LLGL1: variants seen among roughly 807,000 people sequenced by gnomAD.
LLGL1 encodes LLGL scribble cell polarity complex component 1.
A neutral mutation model predicts 110.6 loss-of-function variants in LLGL1; 58 were observed. That is an observed-to-expected ratio of 0.52 (90% CI 0.42 to 0.65). The LOEUF (loss-of-function observed/expected upper bound fraction) is 0.65, where lower values mean the gene tolerates loss of function less well. Among genes scored for constraint, LLGL1 ranks in the 30% least tolerant of loss-of-function variants. LLGL1 has a pLI of 0.00. For missense variants in LLGL1, 1,229 were observed against 1,462.1 expected, an observed-to-expected ratio of 0.84 and a Z score of 2.60; for synonymous variants, 674 against 607.2, an observed-to-expected ratio of 1.11 and a Z score of -1.62.
At chr17:18,241,129 G>A in intron 17 of LLGL1, 2 of 589,658 alleles carry the variant, frequency 3.4e-6, no homozygotes, top group Non-Finnish European at 5.9e-6. Flanking sequence ...CAAGGCTCCT[G>A]TACTGGGCCC....
At chr17:18,242,985 G>A (rs1415304136) in intron 22 of LLGL1, among the ~76,000 whole-genome samples, 163 bp downstream of exon 22, 1 of 152,244 alleles carries the variant, frequency 6.6e-6, no homozygotes, top group Non-Finnish European at 1.5e-5. Flanking sequence ...CTCAATTGGG[G>A]ACTTCTGGTG....
chr17:18,240,667 G>A lies in LLGL1; in HGVS notation c.2296G>A (p.Gly766Ser), dbSNP rs2047808651. Residue 766 changes from glycine (G) to serine (S), a missense_variant, in exon 17 of 23, where the codon GGT (glycine) becomes AGT (serine). Physicochemically the swap from Gly to Ser is moderately conservative, Grantham distance 56. Transcript: ENST00000316843. The surrounding 1 kb of genome is among the most constrained non-coding windows in gnomAD (Gnocchi z 5.3). ...ALEVPAAAVG[G>S]EKRPEQAVEA... The stretch of plus-strand genomic sequence containing the variant: ...GGAGGTGCCGGCAGCAGCAGTGGGT[G>A]GTGAGAAGCGGCCTGAGCAAGCGGT... 2 of 1,613,094 alleles carry A rather than the reference G, an allele frequency of 1.2e-6. No individual in the cohort carries two copies. The highest frequency in any genetic ancestry group is 1.3e-5 in the African/African-American group (1 of 74,930).
chr17:18,242,524 C>T lies in LLGL1; in HGVS notation c.3012C>T (p.Pro1004=), dbSNP rs749845142. ...TCCCTGTAGACACCCCGGAGCCACC[C>T]GAGGCTGCACTCTCACCCATGTCCA... The part of the protein sequence containing the change: ...HSMGPDTPEP[P]EAALSPMSID... The change falls in exon 21 of 23, where the codon CCC becomes CCT. Residue 1004 remains proline (P), a synonymous_variant. Transcript: ENST00000316843. 32 of 1,613,848 alleles carry T rather than the reference C, an allele frequency of 2.0e-5. No individual in the cohort carries two copies. The highest frequency in any genetic ancestry group is 2.3e-5 in the Non-Finnish European group (27 of 1,179,900).
At chr17:18,229,458 C>T (rs2047521628) in intron 1 of LLGL1, among the ~76,000 whole-genome samples, 1 of 152,154 alleles carries the variant, frequency 6.6e-6, no homozygotes, top group Admixed American at 6.5e-5. Flanking sequence ...GACCTCTGAC[C>T]TCCACTCAGG....
Position 18,238,241 on chromosome 17 carries a change from C to T in LLGL1, c.2052+27C>T, listed in dbSNP as rs1423780722. On this transcript the variant is annotated intron_variant, in intron 15 of 22. Coordinates refer to ENST00000316843, the MANE Select transcript of LLGL1 (RefSeq NM_004140.4). ...TGAGCTGGGGTGGGCTGCACAGGAG[C>T]TGTGCCTGTGTCCTGTGCCTTGGCC... 4.4e-6 allele frequency: 7 copies of T among 1,607,248 alleles called. No individual in the cohort carries two copies. In the South Asian group the frequency reaches 4.4e-5, roughly 10 times the overall value.
intron 10 of LLGL1, 48 bp from the exon 11 acceptor site, chr17:18,235,422 A>T (rs759058831): frequency 6.2e-7 from 1 of 1,611,360 alleles, no homozygotes; most frequent in Non-Finnish European, 8.5e-7. Context: ...GAGAGGGAGA[A>T]GATGTTCGTC....
At chr17:18,226,065 T>C (rs1360925338) in intron 1 of LLGL1, among the ~76,000 whole-genome samples, 3 of 152,068 alleles carry the variant, frequency 2.0e-5, no homozygotes, top group Non-Finnish European at 4.4e-5. Context: ...TCTTTGCCTG[T>C]CTCTGGGTCT....
At position 18,240,629 on chromosome 17, in the gene LLGL1, T is replaced by A; in HGVS notation, c.2258T>A (p.Phe753Tyr). 6.2e-7 allele frequency: 1 copy of A among 1,611,900 alleles called. No individual in the cohort carries two copies. The highest frequency in any genetic ancestry group is 1.1e-5 in the South Asian group (1 of 90,958). ...MWAGTNSGSV[F>Y]AYALEVPAAA... ...GCTGGCACCAACTCAGGCTCTGTGT[T>A]CGCCTATGCACTGGAGGTGCCGGCA... Residue 753 changes from phenylalanine to tyrosine, a missense_variant, in exon 17 of 23, where the codon TTC becomes TAC. Phe to Tyr is a conservative substitution (Grantham distance 22). Coordinates refer to ENST00000316843, the MANE Select transcript of LLGL1 (RefSeq NM_004140.4). The surrounding 1 kb of genome is among the most constrained non-coding windows in gnomAD (Gnocchi z 5.3).
chr17:18,233,440 G>C (rs1334419219), intron 4 of LLGL1, among the ~76,000 whole-genome samples: 1 of 152,134 alleles, frequency 6.6e-6, no homozygotes, highest in Non-Finnish European at 1.5e-5. Context: ...TCTGAGCGCT[G>C]GCAGCGGGAT....
rs771990753 is a variant in LLGL1 at position 18,240,586 on chromosome 17, C to T, written c.2215C>T (p.His739Tyr). ...GCGCTTGTTTTCTGCAGGGGCCCAC[C>T]ACGGGCCCACCATGTGGGCTGGCAC... ...ADTFLRDGAH[H>Y]GPTMWAGTNS... is the part of the protein sequence containing the mutation. Residue 739 changes from histidine (H) to tyrosine (Y), a missense_variant, in exon 17 of 23, where the codon CAC (histidine) becomes TAC (tyrosine). Physicochemically the swap from His to Tyr is moderately conservative, Grantham distance 83. Coordinates refer to ENST00000316843, the MANE Select transcript of LLGL1 (RefSeq NM_004140.4). The surrounding 1 kb of genome is among the most constrained non-coding windows in gnomAD (Gnocchi z 5.3). The T allele has an allele frequency of 2.5e-6, 4 of 1,594,568 alleles. No homozygotes were observed. The highest frequency in any genetic ancestry group is 4.5e-5 in the East Asian group (2 of 44,366).
chr17:18,225,816 C>G, intron 1 of LLGL1, 53 bp downstream of exon 1: 1 of 400,760 alleles, frequency 2.5e-6, no homozygotes, highest in Non-Finnish European at 3.3e-6. Context: ...GGACGGGGGC[C>G]TGGGCTGGGG....
chr17:18,238,233 C>T lies in LLGL1; in HGVS notation c.2052+19C>T, dbSNP rs1391402921. On this transcript the variant is annotated intron_variant, in intron 15 of 22. Coordinates refer to ENST00000316843, the MANE Select transcript of LLGL1 (RefSeq NM_004140.4). ...CAGCAAGGTGAGCTGGGGTGGGCTG[C>T]ACAGGAGCTGTGCCTGTGTCCTGTG... 4 of 1,608,584 alleles carry T rather than the reference C, an allele frequency of 2.5e-6. No homozygotes were observed. Among genetic ancestry groups the T allele is most frequent in the Middle Eastern group, 1.7e-4 (1 of 6,060 alleles).
chr17:18,237,571 T>A lies in LLGL1; in HGVS notation c.1702T>A (p.Trp568Arg). 6.2e-7 allele frequency: 1 copy of A among 1,610,100 alleles called. No homozygotes were observed. Among genetic ancestry groups the A allele is most frequent in the Non-Finnish European group, 8.5e-7 (1 of 1,179,130 alleles). ...CCTCCAGGACCGCGAGGGCTTCACA[T>A]GGAAGGGCCACGAGCGGCTGAGCCC... ...DLLQDREGFTWKGHERLSPRT... is the reference protein window; with the variant it reads ...DLLQDREGFTRKGHERLSPRT... The change falls in exon 14 of 23, where the codon TGG becomes AGG. Residue 568 changes from tryptophan to arginine, a missense_variant. Trp to Arg is a moderately radical substitution (Grantham distance 101). Coordinates refer to ENST00000316843, the MANE Select transcript of LLGL1 (RefSeq NM_004140.4).
chr17:18,238,587 T>C lies in LLGL1; in HGVS notation c.2184T>C (p.Phe728=), dbSNP rs1433944933. 5.0e-6 allele frequency: 8 copies of C among 1,612,538 alleles called. No homozygotes were observed. Among genetic ancestry groups the C allele is most frequent in the South Asian group, 1.1e-5 (1 of 91,050 alleles). Residue 728 remains phenylalanine (F), a synonymous_variant, in exon 16 of 23, where the codon TTT becomes TTC. Coordinates refer to ENST00000316843, the MANE Select transcript of LLGL1 (RefSeq NM_004140.4). ...SLSGVVRCLY[F]ADTFLRDGAH... is the part of the protein sequence containing the mutation. ...CGGGTGTCGTGCGTTGCCTATACTT[T>C]GCCGACACATTCCTTCGAGATGGTA...
chr17:18,233,184 C>G (rs1344936289), intron 4 of LLGL1, among the ~76,000 whole-genome samples: 1 of 152,182 alleles, frequency 6.6e-6, no homozygotes, highest in Non-Finnish European at 1.5e-5. Context: ...CTGGCCTCTT[C>G]AGTTGTGGGT....
chr17:18,240,770 G>A lies in LLGL1; in HGVS notation c.2399G>A (p.Gly800Asp), dbSNP rs747922114. The change falls in exon 17 of 23, where the codon GGC (glycine) becomes GAC (aspartate). Residue 800 changes from glycine to aspartate, a missense_variant. Transcript: ENST00000316843. The surrounding 1 kb of genome is among the most constrained non-coding windows in gnomAD (Gnocchi z 5.3). ...GCCATTGCCGTGTTGGACGGGCGTG[G>A]CCGCCCACTGCCCGAGCCCTACGAG... is the stretch of plus-strand genomic sequence containing the variant. The part of the protein sequence containing the change: ...VVAIAVLDGR[G>D]RPLPEPYEAS... 3 of 1,605,828 alleles carry A rather than the reference G, an allele frequency of 1.9e-6. No individual in the cohort carries two copies. The African/African-American group carries it at 4.0e-5, about 21-fold the overall frequency.
At chr17:18,236,274 C>T (rs1176003183) in intron 11 of LLGL1, 2 of 306,402 alleles carry the variant, frequency 6.5e-6, no homozygotes, top group African/African-American at 2.2e-5. Flanking sequence ...TTGATCACCT[C>T]TGATGGCTGC....
intron 1 of LLGL1, among the ~76,000 whole-genome samples, chr17:18,228,189 G>T (rs1011812908): frequency 5.9e-5 from 9 of 152,246 alleles, no homozygotes; most frequent in Non-Finnish European, 1.3e-4. Context: ...AGTTGGGATG[G>T]TAGCCAGTGC....
chr17:18,235,122 T>G lies in LLGL1; in HGVS notation c.1094T>G (p.Leu365Arg). ...GACCCCCAGGCCCTGGCTGTGCTGCTGGAAGAGGAGCTGGTGGTGCTGGAC... is the reference window on the plus strand; with the variant it reads ...GACCCCCAGGCCCTGGCTGTGCTGCGGGAAGAGGAGCTGGTGGTGCTGGAC... ...FDDPQALAVL[L>R]EEELVVLDLQ... The change falls in exon 10 of 23, where the codon CTG becomes CGG. Residue 365 changes from leucine (L) to arginine (R), a missense_variant. Coordinates refer to ENST00000316843, the MANE Select transcript of LLGL1 (RefSeq NM_004140.4). The G allele has an allele frequency of 2.5e-6, 4 of 1,613,866 alleles. No individual in the cohort carries two copies. Among genetic ancestry groups the G allele is most frequent in the Non-Finnish European group, 3.4e-6 (4 of 1,180,016 alleles).
Sources: gnomAD v4.1 joint callset for allele counts (sites outside exome capture counted in the v4.1 genomes callset) on GRCh38, gnomAD v4.1.1 for gene constraint, Gnocchi (gnomAD v3.1) non-coding constraint, MANE v1.5 for transcripts, NCBI Gene and HGNC (gene_info 2026-07-23, HGNC 2026-07-21) for gene names.